The following SCD variants were observed in gnomAD, a reference collection of about 807,000 sequenced individuals.
SCD encodes the protein stearoyl-CoA desaturase, also known as acyl-CoA desaturase.
A neutral mutation model predicts 35.7 loss-of-function variants in SCD; 4 were observed. The observed-to-expected ratio is 0.11, with a 90% CI of 0.06 to 0.26. The LOEUF (loss-of-function observed/expected upper bound fraction) is 0.26. Ranked by LOEUF, SCD falls within the 10% of genes least tolerant of loss-of-function variation. The pLI is 1.00. For synonymous variants in SCD, 150 were observed against 170.2 expected (o/e 0.88, Z 0.92); for missense variants, 282 against 460.7 (o/e 0.61, Z 3.55).
intron 5 of SCD, 137 bp from the exon 6 acceptor site, chr10:100,360,597 T>C: frequency 1.4e-6 from 1 of 701,896 alleles, no homozygotes; most frequent in Non-Finnish European, 2.5e-6. Context: ...TTGGTTCATA[T>C]TAAAAGAGAC....
At position 100,348,005 on chromosome 10, in the gene SCD, T is replaced by C. The variant is rs561044091; in HGVS notation, c.28-59T>C. The C allele has an allele frequency of 1.2e-3, 1,775 of 1,525,946 alleles. 3 individuals carry two copies. The highest frequency in any genetic ancestry group is 1.7e-3 in the Admixed American group (98 of 56,388). The allele number at this position is 1,525,946 out of a possible 1,614,324, so 94.5% of individuals were successfully genotyped here. On this transcript the variant is annotated intron_variant, in intron 1 of 5. Coordinates refer to ENST00000370355, the MANE Select transcript of SCD (RefSeq NM_005063.5). ...CCCCCAGCGTGATTAGAGAGCGGAG[T>C]GGCCCCAGCTGCCTCCACGTGTCTC...
Position 100,352,562 on chromosome 10 carries a change from G to A in SCD, c.441+66G>A. On this transcript the variant is annotated intron_variant, in intron 3 of 5. Coordinates refer to ENST00000370355, the MANE Select transcript of SCD (RefSeq NM_005063.5). This position sits in a 1 kb window ranked among gnomAD's most constrained non-coding sequence, Gnocchi z 4.2. The stretch of plus-strand genomic sequence containing the variant: ...ATTAATGATCCGGGGACAGAAAGGA[G>A]GGATCAGCACCAGAGAGGAGCCACA... 1 of 1,520,034 alleles carries A rather than the reference G, an allele frequency of 6.6e-7. No homozygotes were observed. The highest frequency in any genetic ancestry group is 1.1e-5 in the South Asian group (1 of 87,704). 94.2% of individuals were successfully genotyped at this position (1,520,034 alleles called of 1,614,324 possible).
In SCD at chr10:100,348,127, G is replaced by A. The variant is rs1260492449; in HGVS notation, c.91G>A (p.Gly31Arg). The change falls in exon 2 of 6, where the codon GGA (glycine) becomes AGA (arginine). Residue 31 changes from glycine (G) to arginine (R), a missense_variant. Around this residue, in one of 2 missense-constraint regions of SCD, gnomAD observed 77 missense variants for 88.4 expected, o/e 0.87. Transcript: ENST00000370355. ...GCCTCCCTCCAGGGTCCTGCAGAATGGAGGAGATAAGTTGGAGACGATGCC... is the reference window on the plus strand; with the variant it reads ...GCCTCCCTCCAGGGTCCTGCAGAATAGAGGAGATAAGTTGGAGACGATGCC... ...TAPPSRVLQN[G>R]GDKLETMPLY... 6.2e-7 allele frequency: 1 copy of A among 1,613,856 alleles called. No individual in the cohort carries two copies. The highest frequency in any genetic ancestry group is 1.7e-5 in the Admixed American group (1 of 60,002).
At chr10:100,360,503 G>A (rs1207129966) in intron 5 of SCD, among the ~76,000 whole-genome samples, 1 of 152,184 alleles carries the variant, frequency 6.6e-6, no homozygotes, top group Non-Finnish European at 1.5e-5. Flanking sequence ...GTCAACGTGG[G>A]AGGGTTGCTT....
At chr10:100,348,855 A>C (rs1849839846) in intron 2 of SCD, among the ~76,000 whole-genome samples, 1 of 152,146 alleles carries the variant, frequency 6.6e-6, no homozygotes, top group Non-Finnish European at 1.5e-5. Context: ...TTATCCACAA[A>C]ACTATTTTGA....
intron 2 of SCD, among the ~76,000 whole-genome samples, chr10:100,351,597 A>G (rs1017235485): frequency 6.6e-6 from 1 of 152,164 alleles, no homozygotes; most frequent in Non-Finnish European, 1.5e-5. Flanking sequence ...AGAGTCCCCT[A>G]CAACTAAGGG....
At position 100,352,081 on chromosome 10, in the gene SCD, T is replaced by C. The variant is rs1849877931; in HGVS notation, c.311-285T>C. 6.6e-6 allele frequency among the ~76,000 whole-genome samples: 1 copy of C among 152,180 alleles called. No homozygotes were observed. Among genetic ancestry groups the C allele is most frequent in the Admixed American group, 6.5e-5 (1 of 15,278 alleles). On this transcript the variant is annotated intron_variant, in intron 2 of 5. Coordinates refer to ENST00000370355, the MANE Select transcript of SCD (RefSeq NM_005063.5). The surrounding 1 kb of genome is among the most constrained non-coding windows in gnomAD (Gnocchi z 4.2). ...AGGCCCTGGGAGAATGCCTTTAAGA[T>C]GAAGAATGAGTGGTAAGAGCACTAT...
intron 2 of SCD, among the ~76,000 whole-genome samples, 173 bp downstream of exon 2, chr10:100,348,519 C>T (rs1217468436): frequency 6.6e-6 from 1 of 152,136 alleles, no homozygotes; most frequent in Non-Finnish European, 1.5e-5. Flanking sequence ...CCTGGGGGTA[C>T]TGAGATGCAG....
At chr10:100,349,099 G>C (rs1036594285) in intron 2 of SCD, among the ~76,000 whole-genome samples, 4 of 152,138 alleles carry the variant, frequency 2.6e-5, no homozygotes, top group African/African-American at 9.7e-5. Flanking sequence ...CAAGAATTCT[G>C]CACCTTCCAA....
intron 1 of SCD, 39 bp from the exon 2 acceptor site, chr10:100,348,023 CGT>C: frequency 6.3e-7 from 1 of 1,594,416 alleles, no homozygotes; most frequent in Non-Finnish European, 8.6e-7. Flanking sequence ...GCTGCCTCCA[CGT>C]GTCTCTTCTC....
intron 1 of SCD, 70 bp from the exon 2 acceptor site, chr10:100,347,994 A>G (rs1849820370): frequency 2.7e-6 from 4 of 1,468,904 alleles, no homozygotes; most frequent in Admixed American, 1.8e-5. Context: ...CAGCGTGATT[A>G]GAGAGCGGAG....
In SCD at chr10:100,363,298, C is replaced by T. The variant is rs1218288747; in HGVS notation, c.*2365C>T. The T allele has an allele frequency of 6.6e-6, 1 of 152,286 alleles. No individual in the cohort carries two copies. Among genetic ancestry groups the T allele is most frequent in the Non-Finnish European group, 1.5e-5 (1 of 68,094 alleles). The allele number at this position is 152,286 out of a possible 1,614,324, so 9.4% of individuals were successfully genotyped here. A position where few individuals can be genotyped will look rare whatever the true frequency, so the allele number is the denominator to read the frequency against. On this transcript the variant is annotated 3_prime_UTR_variant, in exon 6 of 6. Transcript: ENST00000370355. ...CTCAGTCATCAAAGCAGAAGTCTGGCTTTGCTCTATTAAGATTGGAAATGT... is the reference window on the plus strand; with the variant it reads ...CTCAGTCATCAAAGCAGAAGTCTGGTTTTGCTCTATTAAGATTGGAAATGT...
chr10:100,351,126 G>A (rs777304942), intron 2 of SCD, among the ~76,000 whole-genome samples: 2 of 152,190 alleles, frequency 1.3e-5, no homozygotes, highest in Non-Finnish European at 2.9e-5. Flanking sequence ...TGTTTCCCTA[G>A]GAATGAAACA....
rs201388214 is a variant in SCD, at chr10:100,362,518, A to G, written c.*1585A>G. The G allele has an allele frequency of 6.6e-6, 1 of 152,156 alleles. No homozygotes were observed. Among genetic ancestry groups the G allele is most frequent in the Non-Finnish European group, 1.5e-5 (1 of 68,072 alleles). The allele number at this position is 152,156 out of a possible 1,614,324, so 9.4% of individuals were successfully genotyped here. On this transcript the variant is annotated 3_prime_UTR_variant, in exon 6 of 6. Transcript: ENST00000370355. ...CCCTGTCTGTCCCTTTTCTTTGACC[A>G]GATCTTTCTCTTCCCTGAACGTTTT...
intron 5 of SCD, among the ~76,000 whole-genome samples, chr10:100,358,570 G>T (rs2133596632): frequency 7.2e-6 from 1 of 138,686 alleles, no homozygotes; most frequent in South Asian, 2.3e-4. Flanking sequence ...CCGCAGTCCG[G>T]CCTGGGCGAC....
Position 100,347,621 on chromosome 10 carries a change from G to C in SCD, c.27+90G>C, listed in dbSNP as rs535416943. 1.1e-5 allele frequency: 16 copies of C among 1,426,684 alleles called. No individual in the cohort carries two copies. In the African/African-American group the frequency reaches 2.2e-4, roughly 20 times the overall value. 88.4% of individuals were successfully genotyped at this position (1,426,684 alleles called of 1,614,324 possible). A position where few individuals can be genotyped will look rare whatever the true frequency, so the allele number is the denominator to read the frequency against. On this transcript the variant is annotated intron_variant, in intron 1 of 5. Coordinates refer to ENST00000370355, the MANE Select transcript of SCD (RefSeq NM_005063.5). Reference sequence around the variant, plus strand: ...GGTTGGTGGCAGAAGAGAGGGGAGAGCTCCGCGGAGGACTTGGTCATCTTT... The same window carrying C: ...GGTTGGTGGCAGAAGAGAGGGGAGACCTCCGCGGAGGACTTGGTCATCTTT...
At chr10:100,360,191 T>C (rs1277809708) in intron 5 of SCD, among the ~76,000 whole-genome samples, 1 of 152,258 alleles carries the variant, frequency 6.6e-6, no homozygotes, top group East Asian at 1.9e-4. Flanking sequence ...AAAGGTGTGC[T>C]TCTTTACTCA....
intron 2 of SCD, among the ~76,000 whole-genome samples, chr10:100,351,441 G>A (rs1849871721): frequency 2.0e-5 from 3 of 152,188 alleles, no homozygotes; most frequent in Admixed American, 6.5e-5. Context: ...TAGCTGGAAC[G>A]TGAAATCTTT....
Position 100,363,546 on chromosome 10 carries a change from T to G in SCD, c.*2613T>G, listed in dbSNP as rs562810300. 1 of 152,256 alleles carries G rather than the reference T, an allele frequency of 6.6e-6. No homozygotes were observed. The highest frequency in any genetic ancestry group is 1.5e-5 in the Non-Finnish European group (1 of 68,040). The allele number at this position is 152,256 out of a possible 1,614,324, so 9.4% of individuals were successfully genotyped here. A position where few individuals can be genotyped will look rare whatever the true frequency, so the allele number is the denominator to read the frequency against. On this transcript the variant is annotated 3_prime_UTR_variant, in exon 6 of 6. Transcript: ENST00000370355. ...CCTTGGAAATGTCTGCTGGTATTTC[T>G]AATTCCACAGGTCATCAGATGCCTG...
Sources: allele counts gnomAD v4.1 joint callset (sites outside exome capture counted in the v4.1 genomes callset), GRCh38; gene constraint gnomAD v4.1.1; regional missense constraint gnomAD v4.1.1; non-coding constraint Gnocchi (gnomAD v3.1); transcripts MANE v1.5; gene names NCBI Gene and HGNC (gene_info 2026-07-23, HGNC 2026-07-21).